The following C10orf143 variants were observed in gnomAD, a reference collection of about 807,000 sequenced individuals.
The protein encoded by C10orf143 is chromosome 10 open reading frame 143.
rs541831917 is a variant in C10orf143, at chr10:130,044,845, G to A, written c.298-8875C>T. Among the ~76,000 whole-genome samples, 166 of 152,260 alleles carry A rather than the reference G, an allele frequency of 1.1e-3. 1 individual carries two copies. Among genetic ancestry groups the A allele is most frequent in the Non-Finnish European group, 2.1e-3 (144 of 67,998 alleles). Reference sequence around the variant, plus strand: ...GGGCTTCCTATGGCTTGTGGGACAAGAGGTGCAAACAGAGAGGCCATTACT... The same window carrying A: ...GGGCTTCCTATGGCTTGTGGGACAAAAGGTGCAAACAGAGAGGCCATTACT... On this transcript the variant is annotated intron_variant and NMD_transcript_variant, in intron 3 of 5. Transcript: ENST00000643056.
chr10:130,053,543 C>T (rs1860761123), intron 3 of C10orf143, among the ~76,000 whole-genome samples: 1 of 152,158 alleles, frequency 6.6e-6, no homozygotes, highest in Admixed American at 6.5e-5. Context: ...CAGAACAAGG[C>T]CCCAGGCATG....
At chr10:130,067,911 T>C (rs1235592398) in intron 3 of C10orf143, 1 of 152,192 alleles carries the variant, frequency 6.6e-6, no homozygotes, top group Non-Finnish European at 1.5e-5. Flanking sequence ...CACAAAGGGG[T>C]TATTACAAAA....
At position 130,076,938 on chromosome 10, in the gene C10orf143, G is replaced by A. The variant is rs190554792; in HGVS notation, c.297+2628C>T. On this transcript the variant is annotated intron_variant, in intron 3 of 3. Transcript: ENST00000637128. ...ACATGACAGGGAGAGCAAGCAGCCC[G>A]ACCCTGGGCAGGAGCGGACGCCCTG... Among the ~76,000 whole-genome samples the A allele has an allele frequency of 2.1e-3, 317 of 152,250 alleles. 2 individuals are homozygous for A. Among genetic ancestry groups the A allele is most frequent in the Non-Finnish European group, 3.0e-3 (205 of 68,020 alleles).
downstream of C10orf143, among the ~76,000 whole-genome samples, chr10:130,058,991 G>C (rs1016048698): frequency 2.0e-5 from 3 of 152,154 alleles, no homozygotes; most frequent in Admixed American, 6.5e-5. Context: ...TCAAAGAACA[G>C]AGAAGCAAGT....
intron 1 of C10orf143, chr10:130,107,074 A>G: frequency 6.4e-7 from 1 of 1,556,024 alleles, no homozygotes; most frequent in Non-Finnish European, 8.9e-7. Flanking sequence ...AAATTGATAA[A>G]ACAAAGGAAG....
intron 3 of C10orf143, among the ~76,000 whole-genome samples, chr10:130,071,998 C>A (rs1246237838): frequency 6.6e-6 from 1 of 152,104 alleles, no homozygotes; most frequent in Non-Finnish European, 1.5e-5. Flanking sequence ...ACTCCCACCC[C>A]CACCTCCCAC....
intron 3 of C10orf143, among the ~76,000 whole-genome samples, chr10:130,058,691 G>T (rs547521823): frequency 2.6e-5 from 4 of 151,106 alleles, no homozygotes; most frequent in Admixed American, 6.6e-5. Flanking sequence ...CTATACTAAC[G>T]AAACAGGAAA....
At chr10:130,107,969 A>G (rs1410125989) in intron 1 of C10orf143, 12 of 1,516,680 alleles carry the variant, frequency 7.9e-6, no homozygotes, top group South Asian at 5.6e-5. Flanking sequence ...CAGAAGTTTT[A>G]ATATGCCTCC....
intron 1 of C10orf143, chr10:130,107,651 G>C (rs761446083): frequency 7.6e-6 from 10 of 1,323,406 alleles, no homozygotes; most frequent in Admixed American, 6.8e-5. Context: ...TCTCTCTCCC[G>C]CAACTCTGTT....
intron 1 of C10orf143, chr10:130,106,076 T>C (rs772856991): frequency 1.7e-6 from 1 of 595,986 alleles, no homozygotes; most frequent in East Asian, 4.3e-5. Context: ...CCCTCAGCGG[T>C]ACTTGGGGCT....
chr10:130,085,422 C>G (rs1050837477), intron 1 of C10orf143, among the ~76,000 whole-genome samples: 1 of 152,116 alleles, frequency 6.6e-6, no homozygotes, highest in Admixed American at 6.5e-5. Flanking sequence ...AAATGCGCAC[C>G]CTGACTCTAA....
downstream of C10orf143, among the ~76,000 whole-genome samples, chr10:130,063,046 C>T (rs1032442261): frequency 6.6e-6 from 1 of 151,928 alleles, no homozygotes; most frequent in Non-Finnish European, 1.5e-5. Context: ...TGGAGATGGT[C>T]GGTGGAGATG....
downstream of C10orf143, among the ~76,000 whole-genome samples, chr10:130,060,563 C>A (rs986481945): frequency 9.9e-5 from 15 of 152,168 alleles, no homozygotes; most frequent in African/African-American, 3.1e-4. Flanking sequence ...GTGGCTCACG[C>A]CTGTAATCCC....
At chr10:130,067,728 T>C (rs1860959887) in intron 3 of C10orf143, 1 of 152,218 alleles carries the variant, frequency 6.6e-6, no homozygotes, top group African/African-American at 2.4e-5. Context: ...CTTTGTATGA[T>C]GAAATGTCTT....
At chr10:130,060,715 C>T (rs563453310), downstream of C10orf143, among the ~76,000 whole-genome samples, 17 of 146,946 alleles carry the variant, frequency 1.2e-4, no homozygotes, top group African/African-American at 2.3e-4. Context: ...TCCCAGCTAT[C>T]GGGAGGCTGA....
At chr10:130,083,663 T>C (rs1480007509) in intron 1 of C10orf143, among the ~76,000 whole-genome samples, 1 of 152,202 alleles carries the variant, frequency 6.6e-6, no homozygotes. Context: ...TAATATGCTA[T>C]CCTTTGTGTA....
chr10:130,044,840 G>A (rs956116739), intron 3 of C10orf143, among the ~76,000 whole-genome samples: 3 of 152,118 alleles, frequency 2.0e-5, no homozygotes, highest in Admixed American at 2.0e-4. Context: ...TGGCTTGTGG[G>A]ACAAGAGGTG....
rs7896782 is a variant in C10orf143 at position 130,079,843 on chromosome 10, T to C, written c.128A>G (p.Asn43Ser). The change falls in exon 2 of 4, where the codon AAT (asparagine) becomes AGT (serine). Residue 43 changes from asparagine (N) to serine (S), a missense_variant. Physicochemically the swap from Asn to Ser is conservative, Grantham distance 46 (BLOSUM62 1). Transcript: ENST00000637128. Reference protein sequence around the residue: ...SGHERGCHQVNACALASWGPE... With the variant: ...SGHERGCHQVSACALASWGPE... ...GCCCCAGGACGCCAGGGCACAGGCA[T>C]TCACCTGGTGGCAGCCACGCTCATG... 4 of 398,522 alleles carry C rather than the reference T, an allele frequency of 1.0e-5. No individual in the cohort carries two copies. The highest frequency in any genetic ancestry group is 1.8e-5 in the Non-Finnish European group (4 of 226,084). The allele number at this position is 398,522 out of a possible 1,614,324, so 24.7% of individuals were successfully genotyped here.
intron 1 of C10orf143, chr10:130,107,161 G>C (rs1274670500): frequency 6.3e-7 from 1 of 1,588,966 alleles, no homozygotes; most frequent in Admixed American, 1.7e-5. Context: ...TTGAAAGTGA[G>C]AATCAGAAGC....
Sources: gnomAD v4.1 joint callset for allele counts (sites outside exome capture counted in the v4.1 genomes callset) on GRCh38, gnomAD v4.1.1 for gene constraint, MANE v1.5 for transcripts, NCBI Gene and HGNC (gene_info 2026-07-23, HGNC 2026-07-21) for gene names.